BBX: variants seen among roughly 807,000 people sequenced by gnomAD.
BBX encodes HMG box transcription factor BBX.
A neutral mutation model predicts 100.2 loss-of-function variants in BBX; 30 were observed. The observed-to-expected ratio is 0.30, with a 90% CI of 0.22 to 0.41. The LOEUF is 0.41. BBX is among the 10% of genes least tolerant of loss of function. The pLI, the probability that BBX is intolerant of heterozygous loss-of-function variation, is 1.00. For synonymous variants in BBX, 376 were observed against 388.1 expected (o/e 0.97, Z 0.37); for missense variants, 1,023 against 1,129.8 (o/e 0.91, Z 1.35).
At chr3:107,729,952 T>C (rs916515483) in intron 6 of BBX, among the ~76,000 whole-genome samples, 1 of 152,162 alleles carries the variant, frequency 6.6e-6, no homozygotes, top group African/African-American at 2.4e-5. Flanking sequence ...TCCTGTATGG[T>C]GGCATGTGCC....
Position 107,772,944 on chromosome 3 carries a change from A to T in BBX, c.1223A>T (p.Asp408Val), listed in dbSNP as rs1194117898. 1 of 1,611,964 alleles carries T rather than the reference A, an allele frequency of 6.2e-7. No individual in the cohort carries two copies. The highest frequency in any genetic ancestry group is 1.3e-5 in the African/African-American group (1 of 74,756). ...EEDHKCSHFP[D>V]FSYSASSKII... ...GATCACAAATGTAGTCATTTTCCTGATTTTTCTTATTCTGCCAGTAGCAAG... is the reference window on the plus strand; with the variant it reads ...GATCACAAATGTAGTCATTTTCCTGTTTTTTCTTATTCTGCCAGTAGCAAG... The change falls in exon 11 of 18, where the codon GAT (aspartate) becomes GTT (valine). Residue 408 changes from aspartate (D) to valine (V), a missense_variant. Physicochemically the swap from Asp to Val is radical, Grantham distance 152. Around this residue, in one of 9 missense-constraint regions of BBX, gnomAD observed 348 missense variants for 353.2 expected, o/e 0.99. Coordinates refer to ENST00000325805, the MANE Select transcript of BBX (RefSeq NM_001142568.3).
At position 107,618,419 on chromosome 3, in the gene BBX, C is replaced by T. The variant is rs185936986; in HGVS notation, c.-83-27417C>T. Among the ~76,000 whole-genome samples the T allele has an allele frequency of 2.0e-3, 302 of 151,918 alleles. 1 individual carries two copies. Among genetic ancestry groups the T allele is most frequent in the African/African-American group, 7.0e-3 (289 of 41,482 alleles). The stretch of plus-strand genomic sequence containing the variant: ...TCAATTTTACTGATTTCTGCTGTTT[C>T]TTCTTTTCTTAATTTCTGCTTATGT... On this transcript the variant is annotated intron_variant, in intron 2 of 17. Transcript: ENST00000325805.
At chr3:107,623,987 G>A (rs755955371) in intron 2 of BBX, among the ~76,000 whole-genome samples, 18 of 152,164 alleles carry the variant, frequency 1.2e-4, no homozygotes, top group Non-Finnish European at 2.2e-4. Context: ...GAATTCCAAA[G>A]CACCTTATCT....
chr3:107,523,937 G>A (rs1356036038), intron 1 of BBX, among the ~76,000 whole-genome samples: 1 of 151,202 alleles, frequency 6.6e-6, no homozygotes, highest in African/African-American at 2.4e-5. Flanking sequence ...AGAATAGGGG[G>A]AGAGGGGGAA....
At chr3:107,702,781 C>A (rs2061159871) in intron 3 of BBX, among the ~76,000 whole-genome samples, 1 of 152,200 alleles carries the variant, frequency 6.6e-6, no homozygotes, top group Admixed American at 6.5e-5. Context: ...GAGACATGAG[C>A]TGAGGCAAAC....
chr3:107,695,851 C>G (rs1429701545), intron 3 of BBX, among the ~76,000 whole-genome samples: 2 of 151,672 alleles, frequency 1.3e-5, no homozygotes, highest in African/African-American at 4.9e-5. Flanking sequence ...GTAGGTCACT[C>G]AGGACTTGCT....
chr3:107,791,794 A>G (rs561001318), intron 15 of BBX, among the ~76,000 whole-genome samples: 8 of 152,304 alleles, frequency 5.3e-5, no homozygotes, highest in Non-Finnish European at 1.0e-4. Flanking sequence ...TGAGGTCAGG[A>G]GTTCGAGACT....
At chr3:107,593,082 G>A (rs2053450619) in intron 2 of BBX, among the ~76,000 whole-genome samples, 1 of 152,236 alleles carries the variant, frequency 6.6e-6, no homozygotes, top group South Asian at 2.1e-4. Flanking sequence ...CTCGTTGGGA[G>A]TTCAAGGATT....
chr3:107,540,930 A>G (rs1461194400), intron 2 of BBX, among the ~76,000 whole-genome samples: 1 of 152,186 alleles, frequency 6.6e-6, no homozygotes, highest in Non-Finnish European at 1.5e-5. Context: ...ATGGTTAAAA[A>G]TTCTTATTTT....
intron 13 of BBX, among the ~76,000 whole-genome samples, chr3:107,782,389 T>A (rs1464620053): frequency 6.6e-6 from 1 of 152,116 alleles, no homozygotes; most frequent in Non-Finnish European, 1.5e-5. Context: ...AGAAAACCCT[T>A]GCTCTTTATA....
At chr3:107,570,768 A>AT in intron 2 of BBX, among the ~76,000 whole-genome samples, 1 of 152,048 alleles carries the variant, frequency 6.6e-6, no homozygotes, top group South Asian at 2.1e-4. Context: ...GGTCTGCAGA[A>AT]AAGGAGGATT....
At chr3:107,537,670 T>C (rs2048592315) in intron 2 of BBX, among the ~76,000 whole-genome samples, 1 of 152,242 alleles carries the variant, frequency 6.6e-6, no homozygotes, top group Admixed American at 6.5e-5. Flanking sequence ...CAGTCTTCTC[T>C]TTTATGCATA....
intron 15 of BBX, among the ~76,000 whole-genome samples, chr3:107,796,399 G>A (rs2069676408): frequency 6.6e-6 from 1 of 152,134 alleles, no homozygotes; most frequent in East Asian, 1.9e-4. Context: ...TACTTTCCTG[G>A]GAAGGGGAAG....
intron 13 of BBX, among the ~76,000 whole-genome samples, chr3:107,778,994 C>CATATATATAT (rs1286419462): frequency 0.019 from 1,294 of 67,506 alleles, 19 homozygotes; most frequent in Non-Finnish European, 0.028. Flanking sequence ...CCTCCAGCAA[C>CATATATATAT]ATATATATAT....
At chr3:107,785,900 A>G (rs557238056) in intron 13 of BBX, among the ~76,000 whole-genome samples, 2 of 152,170 alleles carry the variant, frequency 1.3e-5, no homozygotes, top group East Asian at 3.9e-4. Flanking sequence ...ATTTATTCTC[A>G]GATAACATGA....
intron 2 of BBX, among the ~76,000 whole-genome samples, chr3:107,571,463 G>A (rs1310029628): frequency 1.3e-5 from 2 of 152,220 alleles, no homozygotes; most frequent in Admixed American, 1.3e-4. Flanking sequence ...TACTAGAGGG[G>A]AGAAAGAACT....
intron 2 of BBX, among the ~76,000 whole-genome samples, chr3:107,596,027 T>C (rs1202779988): frequency 6.6e-6 from 1 of 152,204 alleles, no homozygotes; most frequent in Non-Finnish European, 1.5e-5. Flanking sequence ...CATCTGTGAG[T>C]TTTCACAAAT....
chr3:107,697,552 G>C (rs943386695), intron 3 of BBX, among the ~76,000 whole-genome samples: 6 of 151,898 alleles, frequency 4.0e-5, no homozygotes, highest in Non-Finnish European at 5.9e-5. Flanking sequence ...CAGTCTGCCC[G>C]TTCTCAGATC....
chr3:107,598,746 C>T (rs1194447325), intron 2 of BBX, among the ~76,000 whole-genome samples: 3 of 152,320 alleles, frequency 2.0e-5, no homozygotes, highest in African/African-American at 7.2e-5. Flanking sequence ...TACATCACAC[C>T]TTCTGCTGCC....
Sources: allele counts gnomAD v4.1 joint callset (sites outside exome capture counted in the v4.1 genomes callset), GRCh38; gene constraint gnomAD v4.1.1; regional missense constraint gnomAD v4.1.1; transcripts MANE v1.5; gene names NCBI Gene and HGNC (gene_info 2026-07-23, HGNC 2026-07-21).